The following CSMD1 variants were observed in gnomAD, a reference collection of about 807,000 sequenced individuals.
CSMD1 encodes the protein CUB and Sushi multiple domains 1, also known as CUB and sushi domain-containing protein 1.
A neutral mutation model predicts 417.5 loss-of-function variants in CSMD1; 213 were observed. The observed-to-expected ratio is 0.51, with a 90% CI of 0.46 to 0.57. CSMD1 has a LOEUF of 0.57. Among genes scored for constraint, CSMD1 ranks in the 20% least tolerant of loss-of-function variants. The pLI, the probability that CSMD1 is intolerant of heterozygous loss-of-function variation, is 0.00. For synonymous variants in CSMD1, 2,862 were observed against 1,736.8 expected, an observed-to-expected ratio of 1.65 and a Z score of -16.11; for missense variants, 6,923 against 4,529.7, an observed-to-expected ratio of 1.53 and a Z score of -15.17.
intron 11 of CSMD1, among the ~76,000 whole-genome samples, chr8:3,478,128 C>T (rs1047141956): frequency 6.6e-6 from 1 of 152,196 alleles, no homozygotes; most frequent in Admixed American, 6.5e-5. Context: ...TCAAGTATGG[C>T]AGACTTTATT....
chr8:4,274,418 G>C (rs1217661207), intron 3 of CSMD1, among the ~76,000 whole-genome samples: 1 of 152,050 alleles, frequency 6.6e-6, no homozygotes, highest in African/African-American at 2.4e-5. Context: ...AATGTCTCTG[G>C]TGCCCAAGAG....
intron 5 of CSMD1, among the ~76,000 whole-genome samples, chr8:3,754,433 C>CCTATTTATTTAT (rs1554532531): frequency 6.9e-6 from 1 of 145,496 alleles, no homozygotes; most frequent in Admixed American, 6.9e-5. Context: ...TTAGTAATTC[C>CCTATTTATTTAT]TTATTTATTT....
chr8:4,402,265 T>C (rs138459503), intron 3 of CSMD1, among the ~76,000 whole-genome samples: 21 of 152,130 alleles, frequency 1.4e-4, no homozygotes, highest in African/African-American at 4.8e-4. Context: ...AAACTGCAAA[T>C]CCAATTATCA....
At chr8:4,644,109 C>T (rs143735224) in intron 1 of CSMD1, among the ~76,000 whole-genome samples, 3 of 152,170 alleles carry the variant, frequency 2.0e-5, no homozygotes, top group Admixed American at 1.3e-4. Flanking sequence ...GAGTCTTTGC[C>T]CATGAGCAAG....
rs374473275 is a variant in CSMD1, at chr8:3,477,061, TG to T, written c.1449-8238del. 4.4e-4 allele frequency among the ~76,000 whole-genome samples: 67 copies of T among 152,336 alleles called. No homozygotes were observed. In the South Asian group the frequency reaches 7.5e-3, roughly 17 times the overall value. On this transcript the variant is annotated intron_variant, in intron 11 of 69. Transcript: ENST00000635120. ...GCTGGTGGTTACACAGATCTATACA[TG>T]TATTTACAGTCATAGATCTGTACAC...
intron 54 of CSMD1, among the ~76,000 whole-genome samples, chr8:2,990,985 T>C (rs369058794): frequency 1.3e-5 from 2 of 152,222 alleles, no homozygotes; most frequent in African/African-American, 4.8e-5. Flanking sequence ...CAGTTGTAGA[T>C]TGCTTTCCAT....
rs575637845 is a variant in CSMD1, at chr8:4,208,454, A to G, written c.416-176355T>C. ...GGTTTTTCAAAATTTCTTTGGCTAT[A>G]AAAAATTGATAATTGATGTTTCTAT... On this transcript the variant is annotated intron_variant, in intron 3 of 69. Transcript: ENST00000635120. Among the ~76,000 whole-genome samples, 228 of 152,320 alleles carry G rather than the reference A, an allele frequency of 1.5e-3. 1 individual carries two copies. The highest frequency in any genetic ancestry group is 4.9e-3 in the African/African-American group (202 of 41,586).
At chr8:3,626,214 G>C (rs560193554) in intron 7 of CSMD1, among the ~76,000 whole-genome samples, 2 of 152,302 alleles carry the variant, frequency 1.3e-5, no homozygotes, top group South Asian at 2.1e-4. Context: ...GTCACCTGGG[G>C]AGAGCACCGG....
intron 3 of CSMD1, among the ~76,000 whole-genome samples, chr8:4,119,357 T>C (rs376815717): frequency 1.3e-4 from 20 of 152,284 alleles, no homozygotes; most frequent in East Asian, 5.8e-4. Context: ...GAATGCTAAG[T>C]GAACATTTTT....
chr8:4,850,208 G>A (rs1200369869), intron 1 of CSMD1, among the ~76,000 whole-genome samples: 4 of 151,898 alleles, frequency 2.6e-5, no homozygotes, highest in African/African-American at 7.3e-5. Context: ...TTTTAACTGG[G>A]TTATCTGTCA....
At chr8:3,219,652 C>T (rs966212965) in intron 28 of CSMD1, among the ~76,000 whole-genome samples, 3 of 152,012 alleles carry the variant, frequency 2.0e-5, no homozygotes, top group Non-Finnish European at 1.5e-5. Context: ...TACTATTTGC[C>T]TAATTACCAT....
chr8:3,988,178 C>T lies in CSMD1; in HGVS notation c.818+9725G>A, dbSNP rs74585596. Among the ~76,000 whole-genome samples, 1,169 of 152,200 alleles carry T rather than the reference C, an allele frequency of 7.7e-3. 35 individuals carry two copies. Among genetic ancestry groups the T allele is most frequent in the East Asian group, 0.052 (266 of 5,158 alleles). ...CTGGTTCAGAAAACTAAATCAGAGTCTCTAAGCAGTAAGACCCTGGTGAGT... is the reference window on the plus strand; with the variant it reads ...CTGGTTCAGAAAACTAAATCAGAGTTTCTAAGCAGTAAGACCCTGGTGAGT... On this transcript the variant is annotated intron_variant, in intron 5 of 69. Transcript: ENST00000635120.
At chr8:3,193,049 TGCTATCGTGGCAAAGGTTGCAC>T (rs1370973774) in intron 33 of CSMD1, among the ~76,000 whole-genome samples, 5 of 152,206 alleles carry the variant, frequency 3.3e-5, no homozygotes, top group African/African-American at 1.2e-4. Flanking sequence ...ACAAAATACC[TGCTATCGTGGCAAAGGTTGCAC>T]TTATCTAAGA....
intron 3 of CSMD1, among the ~76,000 whole-genome samples, chr8:4,034,333 T>G (rs1585174507): frequency 6.6e-6 from 1 of 152,220 alleles, no homozygotes. Context: ...ATAGTCAAAG[T>G]GTATTCAGTT....
At chr8:3,255,256 G>T (rs6994468) in intron 26 of CSMD1, among the ~76,000 whole-genome samples, 13,922 of 152,058 alleles carry the variant, frequency 0.092, 869 homozygotes, top group Non-Finnish European at 0.13. Flanking sequence ...GTACCCAGCC[G>T]TGTGAGGTGT....
chr8:4,492,234 C>T (rs1467168570), intron 2 of CSMD1, among the ~76,000 whole-genome samples: 2 of 152,144 alleles, frequency 1.3e-5, no homozygotes, highest in Non-Finnish European at 2.9e-5. Context: ...GTACTACAGG[C>T]ATATGTGAGC....
rs1563165565 is a variant in CSMD1, at chr8:3,573,181, GCAACATGT to G, written c.1344+1756_1344+1763del. On this transcript the variant is annotated intron_variant, in intron 10 of 69. Coordinates refer to ENST00000635120, the MANE Select transcript of CSMD1 (RefSeq NM_033225.6). Reference sequence around the variant, plus strand: ...AGATAATGATATTACATTTACTTACGCAACATGTGGATTTATCTGTTTTTCACAACTAT... The same window carrying G: ...AGATAATGATATTACATTTACTTACGGGATTTATCTGTTTTTCACAACTAT... Among the ~76,000 whole-genome samples the G allele has an allele frequency of 2.6e-5, 4 of 152,072 alleles. No individual in the cohort carries two copies. The East Asian group carries it at 7.7e-4, about 29-fold the overall frequency.
At chr8:3,266,416 G>C (rs776616595) in intron 26 of CSMD1, among the ~76,000 whole-genome samples, 1 of 151,594 alleles carries the variant, frequency 6.6e-6, no homozygotes. Flanking sequence ...GACCAGCCTG[G>C]CTAACATGGC....
chr8:3,817,132 G>A (rs1363841348), intron 5 of CSMD1, among the ~76,000 whole-genome samples: 1 of 151,708 alleles, frequency 6.6e-6, no homozygotes, highest in African/African-American at 2.4e-5. Context: ...AGCTCTTCAT[G>A]ATGAAGGGAC....
Sources: gnomAD v4.1 joint callset for allele counts (sites outside exome capture counted in the v4.1 genomes callset) on GRCh38, gnomAD v4.1.1 for gene constraint, MANE v1.5 for transcripts, NCBI Gene and HGNC (gene_info 2026-07-23, HGNC 2026-07-21) for gene names.